Variants in INPP4B observed in about 807,000 individuals in gnomAD.
INPP4B encodes the protein inositol polyphosphate 4-phosphatase type II.
INPP4B carries 55 observed loss-of-function variants against 122.5 expected under a neutral mutation model. The ratio of observed to expected loss-of-function variants is 0.45; its 90% confidence interval spans 0.36 to 0.56. The LOEUF (loss-of-function observed/expected upper bound fraction) is 0.56. INPP4B is among the 20% of genes least tolerant of loss of function. The pLI, the probability that INPP4B is intolerant of heterozygous loss-of-function variation, is 0.00. For synonymous variants in INPP4B, 403 were observed against 388.7 expected, an observed-to-expected ratio of 1.04 and a Z score of -0.43; for missense variants, 1,000 against 1,097.7, an observed-to-expected ratio of 0.91 and a Z score of 1.26.
intron 2 of INPP4B, among the ~76,000 whole-genome samples, chr4:142,516,826 C>T (rs184579425): frequency 3.0e-4 from 46 of 151,876 alleles, no homozygotes; most frequent in Admixed American, 2.8e-3. Context: ...TTGAAAGCTA[C>T]AGCTCCTGTC....
intron 1 of INPP4B, among the ~76,000 whole-genome samples, chr4:142,845,971 C>G (rs1784151042): frequency 1.3e-5 from 2 of 151,968 alleles, no homozygotes. Flanking sequence ...GGCGCGGTGA[C>G]AGGGGTACCC....
chr4:142,479,515 G>T (rs1820226912), intron 2 of INPP4B, among the ~76,000 whole-genome samples: 1 of 152,204 alleles, frequency 6.6e-6, no homozygotes, highest in African/African-American at 2.4e-5. Context: ...GCACATGAAT[G>T]TTCATTGGAG....
intron 4 of INPP4B, 73 bp downstream of exon 4, chr4:142,431,096 T>A (rs1032108573): frequency 9.8e-7 from 1 of 1,025,146 alleles, no homozygotes; most frequent in South Asian, 1.3e-5. Context: ...AATGCATGTA[T>A]GTATGTGTAA....
At chr4:142,048,602 T>C (rs1446741930) in intron 25 of INPP4B, among the ~76,000 whole-genome samples, 2 of 151,872 alleles carry the variant, frequency 1.3e-5, no homozygotes, top group Admixed American at 1.3e-4. Flanking sequence ...AGGGGGCAGG[T>C]ATTTATGTGA....
At chr4:142,336,830 C>A (rs1776790819) in intron 7 of INPP4B, among the ~76,000 whole-genome samples, 1 of 152,164 alleles carries the variant, frequency 6.6e-6, no homozygotes, top group Non-Finnish European at 1.5e-5. Flanking sequence ...CCAAGTGGCA[C>A]TGAAAGGATC....
chr4:142,372,942 T>C (rs962587541), intron 7 of INPP4B, among the ~76,000 whole-genome samples: 1 of 152,020 alleles, frequency 6.6e-6, no homozygotes, highest in African/African-American at 2.4e-5. Flanking sequence ...ACCAATGACC[T>C]ACCTTCTATA....
At chr4:142,772,204 T>C (rs1773182030) in intron 1 of INPP4B, among the ~76,000 whole-genome samples, 1 of 152,146 alleles carries the variant, frequency 6.6e-6, no homozygotes, top group Admixed American at 6.5e-5. Flanking sequence ...AAATGTGTCA[T>C]TCATTCAATT....
chr4:142,301,271 A>C (rs1485354663), intron 9 of INPP4B, among the ~76,000 whole-genome samples: 1 of 152,204 alleles, frequency 6.6e-6, no homozygotes, highest in Non-Finnish European at 1.5e-5. Flanking sequence ...AAACTCCAAC[A>C]AATAATTATT....
chr4:142,664,908 G>A (rs1755757521), intron 2 of INPP4B, among the ~76,000 whole-genome samples: 1 of 152,142 alleles, frequency 6.6e-6, no homozygotes, highest in Admixed American at 6.5e-5. Context: ...GTGTATTTAT[G>A]TAAACTGAGG....
chr4:142,229,047 C>T (rs546848873), intron 12 of INPP4B, among the ~76,000 whole-genome samples: 4 of 151,784 alleles, frequency 2.6e-5, no homozygotes, highest in African/African-American at 9.6e-5. Flanking sequence ...TACATACACA[C>T]TTTGTCTCAG....
In INPP4B at chr4:142,246,007, T is replaced by C. The variant is rs572294965; in HGVS notation, c.689-7996A>G. Among the ~76,000 whole-genome samples the C allele has an allele frequency of 8.9e-4, 126 of 141,100 alleles. 14 individuals carry two copies. The highest frequency in any genetic ancestry group is 3.2e-3 in the African/African-American group (119 of 36,680). 92.6% of individuals were successfully genotyped at this position (141,100 alleles called of 152,430 possible). On this transcript the variant is annotated intron_variant, in intron 11 of 25. Coordinates refer to ENST00000262992, the MANE Select transcript of INPP4B (RefSeq NM_001101669.3). The stretch of plus-strand genomic sequence containing the variant: ...ATGTATACATATATATGTGTATGTA[T>C]ACACACATGTGTGTATGTACACACA...
intron 2 of INPP4B, among the ~76,000 whole-genome samples, chr4:142,535,930 A>T (rs1456490558): frequency 2.0e-5 from 3 of 152,132 alleles, no homozygotes; most frequent in African/African-American, 7.2e-5. Context: ...TCCTTTTCTC[A>T]GACTCCCTAT....
chr4:142,307,019 T>C (rs1260682531), intron 8 of INPP4B, among the ~76,000 whole-genome samples: 1 of 152,172 alleles, frequency 6.6e-6, no homozygotes, highest in Admixed American at 6.5e-5. Context: ...CACCAAAGCC[T>C]GAAAAATCTG....
intron 1 of INPP4B, among the ~76,000 whole-genome samples, chr4:142,742,700 T>C (rs529954846): frequency 1.3e-5 from 2 of 151,944 alleles, no homozygotes; most frequent in East Asian, 3.9e-4. Flanking sequence ...AAGAAAGATT[T>C]TGGGGCAGAA....
intron 1 of INPP4B, among the ~76,000 whole-genome samples, chr4:142,821,555 C>A (rs1273680365): frequency 6.6e-6 from 1 of 151,986 alleles, no homozygotes; most frequent in Admixed American, 6.6e-5. Context: ...TTCAAATTGC[C>A]ATAACTATGT....
At chr4:142,659,285 A>G (rs1327859592) in intron 2 of INPP4B, among the ~76,000 whole-genome samples, 1 of 151,746 alleles carries the variant, frequency 6.6e-6, no homozygotes, top group African/African-American at 2.4e-5. Flanking sequence ...AGATGCCTGT[A>G]GTCCCAGCTA....
intron 7 of INPP4B, among the ~76,000 whole-genome samples, chr4:142,357,855 A>G (rs756958714): frequency 4.6e-5 from 7 of 152,070 alleles, no homozygotes; most frequent in Admixed American, 3.3e-4. Flanking sequence ...ATGTTTGTGA[A>G]AGATGTAAAA....
chr4:142,065,625 T>C (rs1167019136), intron 25 of INPP4B, among the ~76,000 whole-genome samples: 1 of 152,114 alleles, frequency 6.6e-6, no homozygotes, highest in Non-Finnish European at 1.5e-5. Flanking sequence ...TATAAATCTA[T>C]TTATATGCAA....
intron 1 of INPP4B, among the ~76,000 whole-genome samples, chr4:142,840,429 C>T (rs193231849): frequency 6.6e-6 from 1 of 151,762 alleles, no homozygotes; most frequent in Admixed American, 6.6e-5. Context: ...ATTTTTTTTC[C>T]TTTCTCTTAC....
Sources: gnomAD v4.1 joint callset for allele counts (sites outside exome capture counted in the v4.1 genomes callset) on GRCh38, gnomAD v4.1.1 for gene constraint, MANE v1.5 for transcripts, NCBI Gene and HGNC (gene_info 2026-07-23, HGNC 2026-07-21) for gene names.